The following RIT2 variants were observed in gnomAD, a reference collection of about 807,000 sequenced individuals.
RIT2 encodes the protein GTP-binding protein Rit2.
Under a neutral mutation model 23.7 loss-of-function variants are expected in RIT2, and 24 were observed. The observed-to-expected ratio is 1.01, with a 90% CI of 0.73 to 1.43. The LOEUF is 1.43. Among genes scored for constraint, RIT2 ranks in the 40% most tolerant of loss-of-function variants. RIT2 has a pLI of 0.00. For missense variants in RIT2, 236 were observed against 266.9 expected, an observed-to-expected ratio of 0.88 and a Z score of 0.81; for synonymous variants, 107 against 91.1, an observed-to-expected ratio of 1.17 and a Z score of -0.99.
At position 43,026,523 on chromosome 18, in the gene RIT2, C is replaced by T. The variant is rs146960064; in HGVS notation, c.160+7288G>A. 4.3e-3 allele frequency among the ~76,000 whole-genome samples: 619 copies of T among 144,544 alleles called. 4 individuals carry two copies. Among genetic ancestry groups the T allele is most frequent in the Middle Eastern group, 0.018 (5 of 272 alleles). 94.8% of individuals were successfully genotyped at this position (144,544 alleles called of 152,430 possible). A position where few individuals can be genotyped will look rare whatever the true frequency, so the allele number is the denominator to read the frequency against. ...GAGTTGAGATCACACCATTGCACTCCAGCCTGGCAACAGAGTAAGACTCTG... is the reference window on the plus strand; with the variant it reads ...GAGTTGAGATCACACCATTGCACTCTAGCCTGGCAACAGAGTAAGACTCTG... On this transcript the variant is annotated intron_variant, in intron 2 of 4. Coordinates refer to ENST00000326695, the MANE Select transcript of RIT2 (RefSeq NM_002930.4).
intron 3 of RIT2, 53 bp downstream of exon 3, chr18:42,974,021 G>A (rs1910421960): frequency 1.7e-6 from 2 of 1,166,644 alleles, no homozygotes; most frequent in Non-Finnish European, 2.5e-6. Context: ...TATATTTGAA[G>A]CTAAAGCATA....
intron 1 of RIT2, among the ~76,000 whole-genome samples, chr18:43,114,584 A>G (rs1487582197): frequency 2.0e-5 from 3 of 152,074 alleles, no homozygotes; most frequent in Admixed American, 1.3e-4. Flanking sequence ...ATAAAAAGCT[A>G]TATTTATTTA....
chr18:42,947,393 A>G (rs1371536605), intron 3 of RIT2, among the ~76,000 whole-genome samples: 1 of 152,124 alleles, frequency 6.6e-6, no homozygotes, highest in African/African-American at 2.4e-5. Flanking sequence ...ATTATTTACA[A>G]TTCAATGAGT....
At chr18:42,868,752 A>G (rs962888248) in intron 4 of RIT2, among the ~76,000 whole-genome samples, 3 of 152,240 alleles carry the variant, frequency 2.0e-5, no homozygotes, top group Non-Finnish European at 4.4e-5. Flanking sequence ...ATCAGGCACA[A>G]GAATGCCACT....
chr18:43,034,737 C>T (rs760082690), intron 1 of RIT2, among the ~76,000 whole-genome samples: 1 of 152,114 alleles, frequency 6.6e-6, no homozygotes, highest in African/African-American at 2.4e-5. Flanking sequence ...GTCTATATAT[C>T]CCACTTGTCA....
intron 4 of RIT2, among the ~76,000 whole-genome samples, chr18:42,777,806 C>T (rs1913709232): frequency 1.3e-5 from 2 of 152,126 alleles, no homozygotes; most frequent in South Asian, 4.1e-4. Flanking sequence ...ATATGTTTAA[C>T]TTAAATAGCT....
chr18:42,837,129 A>C, intron 4 of RIT2, among the ~76,000 whole-genome samples: 1 of 140,708 alleles, frequency 7.1e-6, no homozygotes, highest in Admixed American at 7.1e-5. Flanking sequence ...AAAGTGCTAT[A>C]AAAATTTCTT....
At chr18:42,946,919 T>C (rs563407251) in intron 3 of RIT2, among the ~76,000 whole-genome samples, 4 of 152,192 alleles carry the variant, frequency 2.6e-5, no homozygotes, top group African/African-American at 9.6e-5. Flanking sequence ...AAAGAAGATA[T>C]TTTTTCTTTC....
intron 1 of RIT2, among the ~76,000 whole-genome samples, chr18:43,077,290 G>A (rs375206088): frequency 1.2e-4 from 18 of 152,130 alleles, no homozygotes; most frequent in East Asian, 3.9e-4. Flanking sequence ...GTGCATGTGA[G>A]GTTGTTTATT....
intron 4 of RIT2, among the ~76,000 whole-genome samples, chr18:42,775,910 T>G (rs936125053): frequency 1.3e-5 from 2 of 151,310 alleles, no homozygotes; most frequent in African/African-American, 4.9e-5. Flanking sequence ...TACACACACT[T>G]TCATACTTTC....
chr18:43,100,648 A>G (rs150397502), intron 1 of RIT2, among the ~76,000 whole-genome samples: 1 of 152,298 alleles, frequency 6.6e-6, no homozygotes, highest in Non-Finnish European at 1.5e-5. Flanking sequence ...ACACCTCTGG[A>G]TATACATAGA....
intron 1 of RIT2, among the ~76,000 whole-genome samples, chr18:43,035,089 CA>C (rs1911944081): frequency 6.6e-6 from 1 of 152,142 alleles, no homozygotes; most frequent in South Asian, 2.1e-4. Flanking sequence ...CACACTTTAG[CA>C]AATATTCAGA....
intron 2 of RIT2, among the ~76,000 whole-genome samples, chr18:42,976,630 T>C (rs558346073): frequency 1.8e-4 from 27 of 152,212 alleles, no homozygotes; most frequent in Non-Finnish European, 3.8e-4. Flanking sequence ...AGTCACCTTA[T>C]ATTTTGTATG....
At chr18:42,910,241 G>A (rs1193522840) in intron 4 of RIT2, among the ~76,000 whole-genome samples, 1 of 152,056 alleles carries the variant, frequency 6.6e-6, no homozygotes, top group East Asian at 1.9e-4. Context: ...GCAGACATAG[G>A]CCCTAATCTA....
chr18:42,889,770 A>T (rs934514417), intron 4 of RIT2, among the ~76,000 whole-genome samples: 1 of 152,080 alleles, frequency 6.6e-6, no homozygotes, highest in Non-Finnish European at 1.5e-5. Flanking sequence ...ACTCTATCTC[A>T]TGTAACATAA....
At chr18:43,045,542 T>A (rs1333726269) in intron 1 of RIT2, among the ~76,000 whole-genome samples, 1 of 152,166 alleles carries the variant, frequency 6.6e-6, no homozygotes, top group African/African-American at 2.4e-5. Context: ...AAGGCACCCG[T>A]GATTTAAGTG....
At chr18:42,824,009 C>T (rs888883421) in intron 4 of RIT2, among the ~76,000 whole-genome samples, 10 of 152,002 alleles carry the variant, frequency 6.6e-5, no homozygotes, top group Non-Finnish European at 8.8e-5. Context: ...GAAGACTTTT[C>T]GTTCATCTTC....
chr18:43,081,691 G>T (rs149540464), intron 1 of RIT2, among the ~76,000 whole-genome samples: 1 of 152,206 alleles, frequency 6.6e-6, no homozygotes, highest in African/African-American at 2.4e-5. Flanking sequence ...TAAAACTCAG[G>T]TCTTTTTATT....
chr18:43,093,768 G>T (rs1019736097), intron 1 of RIT2, among the ~76,000 whole-genome samples: 1 of 152,016 alleles, frequency 6.6e-6, no homozygotes, highest in East Asian at 1.9e-4. Context: ...ACTGGTGAAG[G>T]TCGTGAAAAC....
Sources: gnomAD v4.1 joint callset for allele counts (sites outside exome capture counted in the v4.1 genomes callset) on GRCh38, gnomAD v4.1.1 for gene constraint, MANE v1.5 for transcripts, NCBI Gene and HGNC (gene_info 2026-07-23, HGNC 2026-07-21) for gene names.